The following MEP1B variants were observed in gnomAD, a reference collection of about 807,000 sequenced individuals.
The protein encoded by MEP1B is meprin A subunit beta.
MEP1B carries 80 observed loss-of-function variants against 84.6 expected under a neutral mutation model. That is an observed-to-expected ratio of 0.95 (90% CI 0.79 to 1.14). The LOEUF is 1.14. Ranked by LOEUF, MEP1B falls within the 50% of genes most tolerant of loss-of-function variation. MEP1B has a pLI of 0.00. For synonymous variants in MEP1B, 273 were observed against 288.1 expected (o/e 0.95, Z 0.53); for missense variants, 766 against 855.1 (o/e 0.90, Z 1.30).
At position 32,207,406 on chromosome 18, in the gene MEP1B, G is replaced by A; in HGVS notation, c.702G>A (p.Val234=). Residue 234 remains valine (V), a synonymous_variant, in exon 8 of 15, where the codon GTG becomes GTA. Transcript: ENST00000269202. The part of the protein sequence containing the change: ...IVTRISDFED[V]IGQRMDFSDS... ...CAAGAATCTCAGACTTTGAGGATGT[G>A]ATCGGCCAACGAATGGATTTCAGTG... 6.2e-7 allele frequency: 1 copy of A among 1,613,406 alleles called. No individual in the cohort carries two copies. The highest frequency in any genetic ancestry group is 8.5e-7 in the Non-Finnish European group (1 of 1,179,660).
Position 32,205,509 on chromosome 18 carries a change from C to T in MEP1B, c.547+1149C>T. The stretch of plus-strand genomic sequence containing the variant: ...CCCCCGACTCTGCTTATCTCAAATG[C>T]GGTCAGGCATAGCAGCAAACTAAAA... On this transcript the variant is annotated intron_variant, in intron 7 of 14. Transcript: ENST00000269202. 2.0e-5 allele frequency among the ~76,000 whole-genome samples: 3 copies of T among 152,134 alleles called. No homozygotes were observed. The South Asian group carries it at 6.2e-4, about 32-fold the overall frequency.
In MEP1B at chr18:32,204,265, A is replaced by G; in HGVS notation, c.452A>G (p.Gln151Arg). ...GANCDRIATV[Q>R]HEFLHALGFW... ...AACTGTGACCGAATAGCAACAGTTC[A>G]ACACGAGTTCCTCCACGCTCTGGGA... Residue 151 changes from glutamine to arginine, a missense_variant, in exon 7 of 15, where the codon CAA (glutamine) becomes CGA (arginine). Transcript: ENST00000269202. 6.2e-7 allele frequency: 1 copy of G among 1,604,624 alleles called. No homozygotes were observed. Among genetic ancestry groups the G allele is most frequent in the Non-Finnish European group, 8.5e-7 (1 of 1,175,866 alleles).
chr18:32,214,640 A>G (rs2041064124), intron 11 of MEP1B, among the ~76,000 whole-genome samples: 1 of 152,228 alleles, frequency 6.6e-6, no homozygotes, highest in Non-Finnish European at 1.5e-5. Context: ...AATTCAGTTA[A>G]TAAGATAAAT....
chr18:32,213,456 T>A lies in MEP1B; in HGVS notation c.1476T>A (p.Cys492Ter), dbSNP rs774215156. The change falls in exon 11 of 15, where the codon TGT becomes TGA. Residue 492 changes from cysteine to a stop codon, truncating the protein, a stop_gained. Coordinates refer to ENST00000269202, the MANE Select transcript of MEP1B (RefSeq NM_005925.3). LOFTEE classifies it high-confidence loss of function. ...ATGATGATCAATTACAGTGGCCATG[T>A]CCTTGGCAACAAGCCACAATGACAC... ...GANDDQLQWP[C>*]PWQQATMTLL... The A allele has an allele frequency of 8.1e-6, 13 of 1,613,788 alleles. No homozygotes were observed. Among genetic ancestry groups the A allele is most frequent in the African/African-American group, 6.7e-5 (5 of 74,928 alleles).
At position 32,196,847 on chromosome 18, in the gene MEP1B, T is replaced by C; in HGVS notation, c.250+1362T>C. On this transcript the variant is annotated intron_variant, in intron 5 of 14. Transcript: ENST00000269202. This position sits in a 1 kb window ranked among gnomAD's most constrained non-coding sequence, Gnocchi z 4.4. ...CCTTCTGCTGGCTTCTCAGGGCCTC[T>C]GCGTACTTGCCCATGATGTAGTGGA... The C allele has an allele frequency of 7.3e-6, 4 of 550,124 alleles. No individual in the cohort carries two copies. Among genetic ancestry groups the C allele is most frequent in the Non-Finnish European group, 1.3e-5 (4 of 297,438 alleles). 34.1% of individuals were successfully genotyped at this position (550,124 alleles called of 1,614,324 possible).
intron 5 of MEP1B, among the ~76,000 whole-genome samples, chr18:32,201,411 A>G (rs2040911503): frequency 1.3e-5 from 2 of 152,154 alleles, no homozygotes; most frequent in Admixed American, 1.3e-4. Flanking sequence ...GAGGCTTTAA[A>G]TACATATTAT....
intron 5 of MEP1B, among the ~76,000 whole-genome samples, chr18:32,201,373 A>G (rs1012066526): frequency 1.2e-4 from 18 of 151,468 alleles, no homozygotes; most frequent in Non-Finnish European, 2.1e-4. Flanking sequence ...TTCCCATCTC[A>G]GCGTCCTCGG....
At chr18:32,208,733 G>A (rs982733530) in intron 9 of MEP1B, among the ~76,000 whole-genome samples, 1 of 152,168 alleles carries the variant, frequency 6.6e-6, no homozygotes. Flanking sequence ...CTTCAGATGC[G>A]TATCCTTTTC....
Position 32,215,271 on chromosome 18 carries a change from T to C in MEP1B, c.1759+10T>C. On this transcript the variant is annotated intron_variant, in intron 12 of 14. Transcript: ENST00000269202. ...CTACTGACAGTGGAAGGTATGTCAA[T>C]AAAAATAGTTTTATATAAACTAGTT... is the stretch of plus-strand genomic sequence containing the variant. The C allele has an allele frequency of 1.3e-6, 2 of 1,541,376 alleles. No individual in the cohort carries two copies. The highest frequency in any genetic ancestry group is 8.7e-7 in the Non-Finnish European group (1 of 1,144,838).
intron 11 of MEP1B, 28 bp downstream of exon 11, chr18:32,213,587 A>G: frequency 6.6e-7 from 1 of 1,507,492 alleles, no homozygotes; most frequent in Non-Finnish European, 9.2e-7. Flanking sequence ...TTTATTGCTA[A>G]TAAACAATCA....
At position 32,192,920 on chromosome 18, in the gene MEP1B, T is replaced by C. The variant is rs1020290867; in HGVS notation, c.171+103T>C. The C allele has an allele frequency of 3.5e-6, 3 of 845,120 alleles. No individual in the cohort carries two copies. The South Asian group carries it at 4.4e-5, about 13-fold the overall frequency. 52.4% of individuals were successfully genotyped at this position (845,120 alleles called of 1,614,324 possible). ...CAGCATGAACTTTGTTAAGCCTAACTATCTCTAAGGGTGCAGAATCATGGT... is the reference window on the plus strand; with the variant it reads ...CAGCATGAACTTTGTTAAGCCTAACCATCTCTAAGGGTGCAGAATCATGGT... On this transcript the variant is annotated intron_variant, in intron 4 of 14. Transcript: ENST00000269202.
At chr18:32,209,314 C>A (rs936919755) in intron 9 of MEP1B, among the ~76,000 whole-genome samples, 3 of 152,108 alleles carry the variant, frequency 2.0e-5, no homozygotes, top group African/African-American at 7.2e-5. Flanking sequence ...TGGTGAAACC[C>A]TGTCTCTACT....
chr18:32,203,646 G>A (rs2040934598), intron 6 of MEP1B, among the ~76,000 whole-genome samples: 1 of 152,176 alleles, frequency 6.6e-6, no homozygotes, highest in Admixed American at 6.5e-5. Context: ...TTGCATTGCT[G>A]TACAGAAATA....
rs2040986765 is a variant in MEP1B at position 32,208,242 on chromosome 18, G to A, written c.890G>A (p.Ser297Asn). The A allele has an allele frequency of 2.5e-6, 4 of 1,613,880 alleles. No individual in the cohort carries two copies. The highest frequency in any genetic ancestry group is 1.6e-4 in the Middle Eastern group (1 of 6,062). ...TCACAGGTTCCCAGGGGGCCAGAGA[G>A]TGATCACTCCAACATGGGCCAGTGC... ...RVSQVPRGPE[S>N]DHSNMGQCQG... The change falls in exon 9 of 15, where the codon AGT (serine) becomes AAT (asparagine). Residue 297 changes from serine (S) to asparagine (N), a missense_variant. Transcript: ENST00000269202.
chr18:32,210,753 T>G, intron 10 of MEP1B, 37 bp downstream of exon 10: 1 of 1,562,220 alleles, frequency 6.4e-7, no homozygotes, highest in African/African-American at 1.4e-5. Context: ...GGATTTAAAA[T>G]GAGGCAATCT....
Position 32,196,920 on chromosome 18 carries a change from C to A in MEP1B, c.250+1435C>A. 5.2e-6 allele frequency: 2 copies of A among 383,254 alleles called. No individual in the cohort carries two copies. The highest frequency in any genetic ancestry group is 9.9e-6 in the Non-Finnish European group (2 of 201,614). The allele number at this position is 383,254 out of a possible 1,614,324, so 23.7% of individuals were successfully genotyped here. ...GGCTCAGATCTCCACGTGCACTGCT[C>A]CCTACACTTGGTTAAACAGGTGCAG... On this transcript the variant is annotated intron_variant, in intron 5 of 14. Coordinates refer to ENST00000269202, the MANE Select transcript of MEP1B (RefSeq NM_005925.3). This position sits in a 1 kb window ranked among gnomAD's most constrained non-coding sequence, Gnocchi z 4.4.
At chr18:32,190,204 T>A in intron 1 of MEP1B, 71 bp downstream of exon 1, 1 of 1,106,448 alleles carries the variant, frequency 9.0e-7, no homozygotes, top group Non-Finnish European at 1.3e-6. Flanking sequence ...AAAGAACAAG[T>A]GTTTTTTTTT....
chr18:32,197,937 T>A (rs1363407770), intron 5 of MEP1B, among the ~76,000 whole-genome samples: 1 of 152,170 alleles, frequency 6.6e-6, no homozygotes, highest in East Asian at 1.9e-4. Context: ...CATCTTTACA[T>A]CCATGTCTAT....
At chr18:32,208,017 G>C in intron 8 of MEP1B, 102 bp from the exon 9 acceptor site, 1 of 1,256,010 alleles carries the variant, frequency 8.0e-7, no homozygotes, top group South Asian at 1.4e-5. Context: ...GGTGTTCCCT[G>C]TAATACCAAC....
Sources: allele counts gnomAD v4.1 joint callset (sites outside exome capture counted in the v4.1 genomes callset), GRCh38; gene constraint gnomAD v4.1.1; non-coding constraint Gnocchi (gnomAD v3.1); transcripts MANE v1.5; gene names NCBI Gene and HGNC (gene_info 2026-07-23, HGNC 2026-07-21).